Variants in DACH2 observed in about 807,000 individuals in gnomAD.
DACH2 encodes the protein dachshund homolog 2.
Under a neutral mutation model 35.8 loss-of-function variants are expected in DACH2, and 17 were observed. That is an observed-to-expected ratio of 0.48 (90% CI 0.33 to 0.71). The LOEUF (loss-of-function observed/expected upper bound fraction) is 0.71, where lower values mean the gene tolerates loss of function less well. Ranked by LOEUF, DACH2 falls within the 30% of genes least tolerant of loss-of-function variation. DACH2 has a pLI of 0.02. For synonymous variants in DACH2, 195 were observed against 177.3 expected, an observed-to-expected ratio of 1.10 and a Z score of -0.79; for missense variants, 469 against 472.7, an observed-to-expected ratio of 0.99 and a Z score of 0.07.
intron 1 of DACH2, among the ~76,000 whole-genome samples, chrX:86,277,434 T>C (rs182295424): frequency 1.2e-3 from 140 of 112,356 alleles, no homozygotes; most frequent in Non-Finnish European, 2.3e-3. Context: ...GGTTATGTTA[T>C]ACATCATTTT....
At chrX:86,775,943 CTG>C (rs2147301002) in intron 7 of DACH2, among the ~76,000 whole-genome samples, 1 of 111,468 alleles carries the variant, frequency 9.0e-6, no homozygotes, top group South Asian at 3.8e-4. Context: ...GATGATAAAA[CTG>C]TGGCATAGAG....
chrX:86,462,428 G>T (rs1163398177), intron 2 of DACH2, among the ~76,000 whole-genome samples: 3 of 111,259 alleles, frequency 2.7e-5, no homozygotes, highest in Non-Finnish European at 3.8e-5. Context: ...AAAATCTGTA[G>T]GTACTAGTAA....
intron 7 of DACH2, among the ~76,000 whole-genome samples, chrX:86,756,588 A>G (rs1908585942): frequency 9.3e-6 from 1 of 107,943 alleles, no homozygotes; most frequent in African/African-American, 3.4e-5. Context: ...GCTAATTTTT[A>G]TCCTGCAAAT....
intron 1 of DACH2, among the ~76,000 whole-genome samples, chrX:86,298,725 G>C (rs1602376800): frequency 9.0e-6 from 1 of 111,697 alleles, no homozygotes; most frequent in Non-Finnish European, 1.9e-5. Context: ...ATCATTCCAG[G>C]TATCTCTGAA....
chrX:86,497,554 G>A (rs1192240070), intron 2 of DACH2, among the ~76,000 whole-genome samples: 1 of 111,445 alleles, frequency 9.0e-6, no homozygotes, highest in Non-Finnish European at 1.9e-5. Flanking sequence ...ATGGCAGGAG[G>A]CTAGGGTCTG....
chrX:86,369,712 T>C (rs988803370), intron 1 of DACH2, among the ~76,000 whole-genome samples: 1 of 111,618 alleles, frequency 9.0e-6, no homozygotes, highest in Non-Finnish European at 1.9e-5. Flanking sequence ...CATTATTTAT[T>C]TTCATGAATA....
intron 1 of DACH2, among the ~76,000 whole-genome samples, chrX:86,307,554 C>T (rs2034715053): frequency 9.0e-6 from 1 of 111,466 alleles, no homozygotes; most frequent in African/African-American, 3.3e-5. Flanking sequence ...CCCATGCTGC[C>T]ATCAGCCTTT....
At chrX:86,486,719 G>C (rs1003163826) in intron 2 of DACH2, among the ~76,000 whole-genome samples, 1 of 111,742 alleles carries the variant, frequency 8.9e-6, no homozygotes, top group Admixed American at 9.6e-5. Context: ...AGACAGATAA[G>C]GGCTACAATT....
chrX:86,598,925 G>A (rs1472607657), intron 3 of DACH2, among the ~76,000 whole-genome samples: 3 of 109,791 alleles, frequency 2.7e-5, no homozygotes, highest in African/African-American at 6.7e-5. Context: ...TTTACACTAG[G>A]TATATCTCCT....
At chrX:86,392,152 A>T (rs1370431228) in intron 2 of DACH2, among the ~76,000 whole-genome samples, 1 of 111,315 alleles carries the variant, frequency 9.0e-6, no homozygotes, top group African/African-American at 3.3e-5. Context: ...ATCTACTTCC[A>T]TTATGGAGTT....
At chrX:86,713,610 A>G (rs2041302140) in intron 5 of DACH2, among the ~76,000 whole-genome samples, 2 of 111,665 alleles carry the variant, frequency 1.8e-5, no homozygotes, top group Admixed American at 9.6e-5. Context: ...AAATTAGGCA[A>G]GATTACTGTA....
At chrX:86,443,158 C>T (rs371933829) in intron 2 of DACH2, among the ~76,000 whole-genome samples, 1 of 111,330 alleles carries the variant, frequency 9.0e-6, no homozygotes, top group Non-Finnish European at 1.9e-5. Context: ...GTAATATTGA[C>T]GTTTTTACAA....
At chrX:86,771,780 C>A (rs751876531) in intron 7 of DACH2, among the ~76,000 whole-genome samples, 1 of 111,739 alleles carries the variant, frequency 8.9e-6, no homozygotes, top group Non-Finnish European at 1.9e-5. Context: ...TGTTTTTTAT[C>A]TCTCGGTTTC....
intron 3 of DACH2, among the ~76,000 whole-genome samples, chrX:86,563,868 T>C: frequency 9.0e-6 from 1 of 111,448 alleles, no homozygotes; most frequent in Middle Eastern, 4.6e-3. Flanking sequence ...TTACCGGAAT[T>C]CTAACAAATA....
rs932526603 is a variant in DACH2 at position 86,368,713 on chromosome X, C to T, written c.489-8111C>T. Reference sequence around the variant, plus strand: ...GAGTATCTAGGACTACATGCATGTGCCACCATGCTCAGCTAATTACAAAAA... The same window carrying T: ...GAGTATCTAGGACTACATGCATGTGTCACCATGCTCAGCTAATTACAAAAA... On this transcript the variant is annotated intron_variant, in intron 1 of 11. Transcript: ENST00000373125. Among the ~76,000 whole-genome samples the T allele has an allele frequency of 3.7e-5, 4 of 109,373 alleles. No individual in the cohort carries two copies. In the Admixed American group the frequency reaches 3.9e-4, roughly 11 times the overall value. The allele number at this position is 109,373 out of a possible 115,157, so 95.0% of individuals were successfully genotyped here. A position where few individuals can be genotyped will look rare whatever the true frequency, so the allele number is the denominator to read the frequency against.
intron 10 of DACH2, among the ~76,000 whole-genome samples, chrX:86,815,172 G>C (rs1202860200): frequency 9.0e-6 from 1 of 111,554 alleles, no homozygotes; most frequent in Non-Finnish European, 1.9e-5. Flanking sequence ...AGAATATGCT[G>C]ATGTTTGGTG....
At chrX:86,192,105 G>A (rs955075854) in intron 1 of DACH2, among the ~76,000 whole-genome samples, 2 of 111,685 alleles carry the variant, frequency 1.8e-5, no homozygotes, top group East Asian at 5.6e-4. Flanking sequence ...CTTGTTAGGT[G>A]CAGGCCTTAT....
At chrX:86,302,924 C>G (rs150749847) in intron 1 of DACH2, among the ~76,000 whole-genome samples, 30 of 108,766 alleles carry the variant, frequency 2.8e-4, no homozygotes, top group African/African-American at 1.0e-3. Flanking sequence ...TTACTATGTT[C>G]TCAGCACTTA....
intron 1 of DACH2, among the ~76,000 whole-genome samples, chrX:86,230,494 G>C (rs920392636): frequency 3.6e-5 from 4 of 111,347 alleles, no homozygotes; most frequent in African/African-American, 9.8e-5. Context: ...GGTGATGCTG[G>C]CTTCGTAGAA....
Sources: gnomAD v4.1 joint callset for allele counts (sites outside exome capture counted in the v4.1 genomes callset) on GRCh38, gnomAD v4.1.1 for gene constraint, MANE v1.5 for transcripts, NCBI Gene and HGNC (gene_info 2026-07-23, HGNC 2026-07-21) for gene names.